The following JAM2 variants were observed in gnomAD, a reference collection of about 807,000 sequenced individuals.
The protein encoded by JAM2 is junctional adhesion molecule B.
Under a neutral mutation model 42.0 loss-of-function variants are expected in JAM2, and 17 were observed. That is an observed-to-expected ratio of 0.40 (90% CI 0.28 to 0.61). The LOEUF (loss-of-function observed/expected upper bound fraction) is 0.61, where lower values mean the gene tolerates loss of function less well. Ranked by LOEUF, JAM2 falls within the 20% of genes least tolerant of loss-of-function variation. The pLI is 0.37. For missense variants in JAM2, 319 were observed against 358.3 expected, an observed-to-expected ratio of 0.89 and a Z score of 0.89; for synonymous variants, 118 against 128.6, an observed-to-expected ratio of 0.92 and a Z score of 0.56.
chr21:25,681,907 G>A lies in JAM2; in HGVS notation c.68-1976G>A, dbSNP rs1160370016. 2.6e-5 allele frequency among the ~76,000 whole-genome samples: 4 copies of A among 152,182 alleles called. 1 individual carries two copies. Among genetic ancestry groups the A allele is most frequent in the South Asian group, 4.1e-4 (2 of 4,826 alleles). On this transcript the variant is annotated intron_variant, in intron 1 of 9. Transcript: ENST00000480456. ...TGAGGCAGGAGAATGGCGTGAACCC[G>A]GGAGGCGGAGCTGGTAGTGAGCTGA...
At position 25,658,556 on chromosome 21, in the gene JAM2, C is replaced by A. The variant is rs61202100; in HGVS notation, c.67+18668C>A. On this transcript the variant is annotated intron_variant, in intron 1 of 9. Coordinates refer to ENST00000480456, the MANE Select transcript of JAM2 (RefSeq NM_021219.4). ...TAAAAGAGCAGAGACAATGACAAAA[C>A]AAGTGCCCAGAGTAATAATGGACAA... 1.4e-3 allele frequency among the ~76,000 whole-genome samples: 213 copies of A among 152,172 alleles called. 2 individuals carry two copies. The highest frequency in any genetic ancestry group is 5.0e-3 in the African/African-American group (206 of 41,530).
At chr21:25,688,304 A>T (rs965533073) in intron 2 of JAM2, among the ~76,000 whole-genome samples, 1 of 146,568 alleles carries the variant, frequency 6.8e-6, no homozygotes, top group African/African-American at 2.4e-5. Context: ...ACGCACGCAC[A>T]CACACATGCG....
At chr21:25,688,268 G>GTGTGTGTGTGTGTGTGTGTGTA (rs1166972718) in intron 2 of JAM2, among the ~76,000 whole-genome samples, 4 of 151,778 alleles carry the variant, frequency 2.6e-5, no homozygotes, top group Non-Finnish European at 5.9e-5. Context: ...GTGTGTGTGT[G>GTGTGTGTGTGTGTGTGTGTGTA]TGTATGTGTG....
Position 25,693,703 on chromosome 21 carries a change from C to T in JAM2, c.242-53C>T, listed in dbSNP as rs2033932437. ...ATGAACTGATTAGAGGAAGGTATTA[C>T]ACAGAAAGCTACTTGGATTATTACT... On this transcript the variant is annotated intron_variant, in intron 3 of 9. Transcript: ENST00000480456. 2.7e-5 allele frequency: 40 copies of T among 1,464,816 alleles called. No homozygotes were observed. The South Asian group carries it at 4.2e-4, about 15-fold the overall frequency. The allele number at this position is 1,464,816 out of a possible 1,614,324, so 90.7% of individuals were successfully genotyped here.
chr21:25,672,640 T>A (rs1388548719), intron 1 of JAM2, among the ~76,000 whole-genome samples: 1 of 152,228 alleles, frequency 6.6e-6, no homozygotes. Flanking sequence ...TGAATAATCC[T>A]AATTTATATA....
chr21:25,702,235 A>T lies in JAM2; in HGVS notation c.663A>T (p.Gly221=). The change falls in exon 6 of 10, where the codon GGA becomes GGT. Residue 221 remains glycine (G), a synonymous_variant. Transcript: ENST00000480456. Reference sequence around the variant, plus strand: ...CCTGTGAAGCCCGCAATTCTGTTGGATATCGCAGGTGTCCTGGGAAACGAA... The same window carrying T: ...CCTGTGAAGCCCGCAATTCTGTTGGTTATCGCAGGTGTCCTGGGAAACGAA... ...EYSCEARNSV[G]YRRCPGKRMQ... 13 of 1,599,236 alleles carry T rather than the reference A, an allele frequency of 8.1e-6. No individual in the cohort carries two copies. Among genetic ancestry groups the T allele is most frequent in the Non-Finnish European group, 1.1e-5 (13 of 1,168,630 alleles).
At chr21:25,639,961 G>A in intron 1 of JAM2, 73 bp downstream of exon 1, 2 of 1,114,550 alleles carry the variant, frequency 1.8e-6, no homozygotes, top group Non-Finnish European at 2.6e-6. Context: ...CCCACGGGGC[G>A]CTGGCTGACA....
At chr21:25,710,613 C>T (rs2123419284) in intron 8 of JAM2, among the ~76,000 whole-genome samples, 1 of 152,148 alleles carries the variant, frequency 6.6e-6, no homozygotes, top group South Asian at 2.1e-4. Context: ...TTGAAAGATC[C>T]TGAGGCCAGG....
intron 1 of JAM2, among the ~76,000 whole-genome samples, chr21:25,676,391 A>G (rs1012959594): frequency 6.6e-6 from 1 of 152,082 alleles, no homozygotes; most frequent in African/African-American, 2.4e-5. Context: ...TTTAAATAAC[A>G]CCTTTATAGT....
chr21:25,708,853 A>C (rs996298437), intron 7 of JAM2, among the ~76,000 whole-genome samples: 3 of 152,164 alleles, frequency 2.0e-5, no homozygotes, highest in African/African-American at 4.8e-5. Flanking sequence ...GTTACCTAAG[A>C]ATGTTACTCT....
chr21:25,661,083 G>A (rs375841068), intron 1 of JAM2, among the ~76,000 whole-genome samples: 67 of 151,942 alleles, frequency 4.4e-4, no homozygotes, highest in African/African-American at 1.4e-3. Context: ...GAGCCACTGC[G>A]TCTGGCCAAT....
At chr21:25,706,865 G>A (rs550514159) in intron 7 of JAM2, among the ~76,000 whole-genome samples, 3 of 152,034 alleles carry the variant, frequency 2.0e-5, no homozygotes, top group Non-Finnish European at 2.9e-5. Flanking sequence ...TCAGCCTCCC[G>A]AGTAGCTGGG....
At chr21:25,696,972 C>T (rs2034050672) in intron 4 of JAM2, among the ~76,000 whole-genome samples, 1 of 151,518 alleles carries the variant, frequency 6.6e-6, no homozygotes, top group Non-Finnish European at 1.5e-5. Flanking sequence ...CCCATCTCAG[C>T]CTCCCATCTC....
chr21:25,639,575 C>A lies in JAM2; in HGVS notation c.-247C>A. On this transcript the variant is annotated 5_prime_UTR_variant, in exon 1 of 10. Transcript: ENST00000480456. ...TGGTTTTCACGCCCTCTAGCCCCTACCCCCACACCCCCAAAACAGAACAGA... is the reference window on the plus strand; with the variant it reads ...TGGTTTTCACGCCCTCTAGCCCCTAACCCCACACCCCCAAAACAGAACAGA... 2 of 423,534 alleles carry A rather than the reference C, an allele frequency of 4.7e-6. No individual in the cohort carries two copies. The highest frequency in any genetic ancestry group is 4.2e-6 in the Non-Finnish European group (1 of 238,586). The allele number at this position is 423,534 out of a possible 1,614,324, so 26.2% of individuals were successfully genotyped here.
At chr21:25,694,230 C>T (rs1281740527) in intron 4 of JAM2, among the ~76,000 whole-genome samples, 2 of 152,178 alleles carry the variant, frequency 1.3e-5, no homozygotes, top group African/African-American at 4.8e-5. Flanking sequence ...AGCATATACA[C>T]AGTTTCTCCA....
chr21:25,668,910 G>A (rs1160707059), intron 1 of JAM2, among the ~76,000 whole-genome samples: 1 of 152,154 alleles, frequency 6.6e-6, no homozygotes, highest in Admixed American at 6.5e-5. Context: ...GATGGATTGT[G>A]TCAATTGAGG....
intron 2 of JAM2, among the ~76,000 whole-genome samples, chr21:25,688,783 A>G (rs908262523): frequency 2.6e-4 from 40 of 152,292 alleles, no homozygotes; most frequent in African/African-American, 9.1e-4. Context: ...CTTTTTTAAC[A>G]TTCATTTGCT....
chr21:25,698,768 A>G lies in JAM2; in HGVS notation c.486A>G (p.Pro162=). The part of the protein sequence containing the change: ...ELRCQDKEGN[P]APEYTWFKDG... ...GATGTCAAGACAAAGAAGGGAATCCAGCTCCTGAATACACATGGTTTAAGG... is the reference window on the plus strand; with the variant it reads ...GATGTCAAGACAAAGAAGGGAATCCGGCTCCTGAATACACATGGTTTAAGG... Residue 162 remains proline (P), a synonymous_variant, in exon 5 of 10, where the codon CCA becomes CCG. Coordinates refer to ENST00000480456, the MANE Select transcript of JAM2 (RefSeq NM_021219.4). 4 of 1,614,180 alleles carry G rather than the reference A, an allele frequency of 2.5e-6. No individual in the cohort carries two copies. Among genetic ancestry groups the G allele is most frequent in the African/African-American group, 1.3e-5 (1 of 75,052 alleles).
intron 1 of JAM2, among the ~76,000 whole-genome samples, chr21:25,671,252 C>T (rs1412614035): frequency 1.3e-5 from 2 of 151,898 alleles, no homozygotes; most frequent in African/African-American, 2.4e-5. Context: ...AAGTAGAAGC[C>T]CAAAATTATG....
Sources: allele counts gnomAD v4.1 joint callset (sites outside exome capture counted in the v4.1 genomes callset), GRCh38; gene constraint gnomAD v4.1.1; transcripts MANE v1.5; gene names NCBI Gene and HGNC (gene_info 2026-07-23, HGNC 2026-07-21).